ANKS1B: variants seen among roughly 807,000 people sequenced by gnomAD.
The protein encoded by ANKS1B is ankyrin repeat and sterile alpha motif domain-containing protein 1B.
Under a neutral mutation model 148.3 loss-of-function variants are expected in ANKS1B, and 36 were observed. The observed-to-expected ratio is 0.24, with a 90% CI of 0.19 to 0.32. The LOEUF is 0.32. Ranked by LOEUF, ANKS1B falls within the 10% of genes least tolerant of loss-of-function variation. The pLI, the probability that ANKS1B is intolerant of heterozygous loss-of-function variation, is 1.00. For missense variants in ANKS1B, 1,157 were observed against 1,542.6 expected, an observed-to-expected ratio of 0.75 and a Z score of 4.19; for synonymous variants, 542 against 560.8, an observed-to-expected ratio of 0.97 and a Z score of 0.47.
At chr12:98,924,947 T>G (rs1296311780) in intron 17 of ANKS1B, among the ~76,000 whole-genome samples, 2 of 152,206 alleles carry the variant, frequency 1.3e-5, no homozygotes, top group Non-Finnish European at 2.9e-5. Context: ...ATGCTGAGCC[T>G]TCTCCAAAAA....
At chr12:99,073,696 T>C (rs1360840479) in intron 16 of ANKS1B, among the ~76,000 whole-genome samples, 1 of 152,216 alleles carries the variant, frequency 6.6e-6, no homozygotes, top group Non-Finnish European at 1.5e-5. Flanking sequence ...CTGCAAAAAC[T>C]GCCTTTTAAG....
chr12:99,799,502 C>T (rs903995304), intron 4 of ANKS1B, among the ~76,000 whole-genome samples: 1 of 152,088 alleles, frequency 6.6e-6, no homozygotes, highest in Non-Finnish European at 1.5e-5. Context: ...TCTGTCATCC[C>T]TACTAGTCTA....
chr12:99,610,015 C>T (rs981868599), intron 9 of ANKS1B, among the ~76,000 whole-genome samples: 1 of 152,016 alleles, frequency 6.6e-6, no homozygotes, highest in Non-Finnish European at 1.5e-5. Context: ...CTCAGCCGCT[C>T]CACATTGAAC....
intron 14 of ANKS1B, among the ~76,000 whole-genome samples, chr12:99,225,753 G>C (rs2085830362): frequency 6.6e-6 from 1 of 152,184 alleles, no homozygotes; most frequent in African/African-American, 2.4e-5. Context: ...AGGGGCTCTT[G>C]GGCCTTCGGC....
intron 9 of ANKS1B, among the ~76,000 whole-genome samples, chr12:99,633,423 G>T (rs902085546): frequency 6.6e-6 from 1 of 152,098 alleles, no homozygotes; most frequent in Non-Finnish European, 1.5e-5. Flanking sequence ...TGGGAAAACT[G>T]GCTAGCCATA....
At chr12:99,488,092 CT>C (rs2096517719) in intron 10 of ANKS1B, among the ~76,000 whole-genome samples, 2 of 152,050 alleles carry the variant, frequency 1.3e-5, no homozygotes, top group Admixed American at 1.3e-4. Flanking sequence ...AAGTATTCCT[CT>C]TTATCCTTTT....
At chr12:98,967,993 A>T (rs2099880001) in intron 17 of ANKS1B, among the ~76,000 whole-genome samples, 2 of 152,082 alleles carry the variant, frequency 1.3e-5, no homozygotes, top group African/African-American at 2.4e-5. Context: ...GGCACTGGAG[A>T]CTATTCAAGA....
At chr12:99,313,602 G>T (rs2083513615) in intron 12 of ANKS1B, among the ~76,000 whole-genome samples, 1 of 152,130 alleles carries the variant, frequency 6.6e-6, no homozygotes, top group Non-Finnish European at 1.5e-5. Flanking sequence ...GGGTTGCAAG[G>T]TTGGTTCAAC....
At chr12:99,096,989 A>G (rs1018903872) in intron 15 of ANKS1B, 1 of 152,196 alleles carries the variant, frequency 6.6e-6, no homozygotes, top group Admixed American at 6.5e-5. Context: ...ACTTGGTATT[A>G]TATGTCTTGT....
chr12:99,036,113 A>C (rs2099955409), intron 17 of ANKS1B, among the ~76,000 whole-genome samples: 1 of 152,084 alleles, frequency 6.6e-6, no homozygotes, highest in South Asian at 2.1e-4. Flanking sequence ...CTGTGTGCAC[A>C]GTGATTTTGA....
chr12:99,111,960 CA>C (rs1234023932), intron 15 of ANKS1B, among the ~76,000 whole-genome samples: 3 of 152,146 alleles, frequency 2.0e-5, no homozygotes, highest in African/African-American at 7.2e-5. Context: ...TGAGCAATTA[CA>C]GCCTTAAACT....
chr12:99,611,383 A>T (rs1774205562), intron 9 of ANKS1B, among the ~76,000 whole-genome samples: 1 of 152,080 alleles, frequency 6.6e-6, no homozygotes, highest in African/African-American at 2.4e-5. Flanking sequence ...GTAATTTAAA[A>T]TTTCCCCATC....
At chr12:99,928,705 T>A (rs61647573) in intron 1 of ANKS1B, among the ~76,000 whole-genome samples, 6,451 of 152,268 alleles carry the variant, frequency 0.042, 439 homozygotes, top group African/African-American at 0.15. Context: ...AAGCAGAAAG[T>A]AAGAGAGAAT....
intron 12 of ANKS1B, among the ~76,000 whole-genome samples, chr12:99,263,841 G>A (rs2076170107): frequency 2.6e-5 from 4 of 152,156 alleles, no homozygotes; most frequent in African/African-American, 4.8e-5. Context: ...CACGTGAAAC[G>A]TGAGTCAACT....
intron 1 of ANKS1B, among the ~76,000 whole-genome samples, chr12:99,905,119 T>G (rs538469318): frequency 1.3e-5 from 2 of 152,348 alleles, no homozygotes; most frequent in African/African-American, 4.8e-5. Context: ...TCCTTCTTTC[T>G]GTTCTAATTT....
At chr12:99,402,870 C>G (rs1352062433) in intron 11 of ANKS1B, among the ~76,000 whole-genome samples, 5 of 143,366 alleles carry the variant, frequency 3.5e-5, no homozygotes, top group Non-Finnish European at 7.7e-5. Context: ...GTATTTCTGA[C>G]TTTAAGTCTT....
chr12:99,552,475 G>A (rs1242624375), intron 9 of ANKS1B, among the ~76,000 whole-genome samples: 1 of 152,170 alleles, frequency 6.6e-6, no homozygotes, highest in African/African-American at 2.4e-5. Context: ...CTAGCACAGT[G>A]TCTGACACAT....
At chr12:99,865,870 C>T (rs749784169) in intron 1 of ANKS1B, among the ~76,000 whole-genome samples, 10 of 151,936 alleles carry the variant, frequency 6.6e-5, no homozygotes, top group Non-Finnish European at 1.3e-4. Flanking sequence ...GCAACAGCAT[C>T]CTTATTTCAT....
intron 10 of ANKS1B, among the ~76,000 whole-genome samples, chr12:99,484,978 C>T (rs1311418799): frequency 1.3e-5 from 2 of 151,746 alleles, no homozygotes; most frequent in East Asian, 3.9e-4. Flanking sequence ...ATCCATTCTG[C>T]CATTCTGTAC....
Sources: gnomAD v4.1 joint callset for allele counts (sites outside exome capture counted in the v4.1 genomes callset) on GRCh38, gnomAD v4.1.1 for gene constraint, MANE v1.5 for transcripts, NCBI Gene and HGNC (gene_info 2026-07-23, HGNC 2026-07-21) for gene names.